ZFP3: variants seen among roughly 807,000 people sequenced by gnomAD.
ZFP3 encodes ZFP3 zinc finger protein.
Under a neutral mutation model 36.7 loss-of-function variants are expected in ZFP3, and 18 were observed. That is an observed-to-expected ratio of 0.49 (90% CI 0.34 to 0.73). ZFP3 has a LOEUF of 0.73. ZFP3 is among the 30% of genes least tolerant of loss of function. ZFP3 has a pLI of 0.01. For missense variants in ZFP3, 495 were observed against 599.0 expected (o/e 0.83, Z 1.81); for synonymous variants, 218 against 199.0 (o/e 1.10, Z -0.81).
In ZFP3 at chr17:5,092,650, AC is replaced by A; in HGVS notation, c.1147del (p.His383MetfsTer164). Reference sequence around the variant, plus strand: ...TCAGGGGGAACTCAGAACTTCTTAGACATGAGAGAATTCACACTGGAGAGAA... The same window carrying A: ...TCAGGGGGAACTCAGAACTTCTTAGAATGAGAGAATTCACACTGGAGAGAA... ...AFRGNSELLR[H>X]ERIHTGEKPY... On this transcript the variant is annotated frameshift_variant, in exon 2 of 2. Coordinates refer to ENST00000318833, the MANE Select transcript of ZFP3 (RefSeq NM_153018.3). LOFTEE classifies it high-confidence loss of function. This position sits in a 1 kb window ranked among gnomAD's most constrained non-coding sequence, Gnocchi z 5.0. 6.2e-7 allele frequency: 1 copy of A among 1,614,162 alleles called. No homozygotes were observed. The highest frequency in any genetic ancestry group is 2.2e-5 in the East Asian group (1 of 44,880).
chr17:5,092,600 G>C lies in ZFP3; in HGVS notation c.1096G>C (p.Val366Leu), dbSNP rs1413700647. 1.2e-6 allele frequency: 2 copies of C among 1,613,910 alleles called. No homozygotes were observed. The highest frequency in any genetic ancestry group is 2.7e-5 in the African/African-American group (2 of 74,864). ...IRIHTGEKPYVCKECGKAFRG... is the reference protein window; with the variant it reads ...IRIHTGEKPYLCKECGKAFRG... ...AATTCATACTGGTGAGAAGCCCTAT[G>C]TATGTAAGGAATGTGGGAAGGCCTT... The change falls in exon 2 of 2, where the codon GTA (valine) becomes CTA (leucine). Residue 366 changes from valine to leucine, a missense_variant. Transcript: ENST00000318833. This position sits in a 1 kb window ranked among gnomAD's most constrained non-coding sequence, Gnocchi z 5.0.
chr17:5,088,560 C>T (rs1399631531), intron 1 of ZFP3, among the ~76,000 whole-genome samples: 7 of 151,180 alleles, frequency 4.6e-5, no homozygotes, highest in Non-Finnish European at 7.4e-5. Flanking sequence ...GTGATCCTCC[C>T]GCCTTGGCCT....
intron 1 of ZFP3, among the ~76,000 whole-genome samples, chr17:5,081,929 C>T (rs575387807): frequency 4.8e-5 from 7 of 144,682 alleles, no homozygotes; most frequent in South Asian, 4.9e-4. Context: ...AGAAAGACAC[C>T]GGCCAGGCAT....
At position 5,092,727 on chromosome 17, in the gene ZFP3, T is replaced by G; in HGVS notation, c.1223T>G (p.Leu408Arg). The change falls in exon 2 of 2, where the codon CTT (leucine) becomes CGT (arginine). Residue 408 changes from leucine (L) to arginine (R), a missense_variant. Around this residue, in one of 3 missense-constraint regions of ZFP3, gnomAD observed 163 missense variants for 178.4 expected, o/e 0.91. Coordinates refer to ENST00000318833, the MANE Select transcript of ZFP3 (RefSeq NM_153018.3). This position sits in a 1 kb window ranked among gnomAD's most constrained non-coding sequence, Gnocchi z 5.0. ...AAGGCTTTCAGGCGGACCTCTCACC[T>G]TATTGTCCACCAGAGAATTCATACT... is the stretch of plus-strand genomic sequence containing the variant. Reference protein sequence around the residue: ...CGKAFRRTSHLIVHQRIHTGE... With the variant: ...CGKAFRRTSHRIVHQRIHTGE... 1 of 1,614,146 alleles carries G rather than the reference T, an allele frequency of 6.2e-7. No homozygotes were observed. The highest frequency in any genetic ancestry group is 8.5e-7 in the Non-Finnish European group (1 of 1,180,034).
chr17:5,094,665 C>A lies in ZFP3; in HGVS notation c.*1652C>A, dbSNP rs561152002. On this transcript the variant is annotated 3_prime_UTR_variant, in exon 2 of 2. Transcript: ENST00000318833. ...TTTAACTTTATATATCTTTATTATT[C>A]TTTAACCTCATCTTTGTTACACTAA... The A allele has an allele frequency of 1.2e-4, 20 of 167,162 alleles. No homozygotes were observed. Among genetic ancestry groups the A allele is most frequent in the African/African-American group, 4.6e-4 (19 of 41,550 alleles). The allele number at this position is 167,162 out of a possible 1,614,324, so 10.4% of individuals were successfully genotyped here. A position where few individuals can be genotyped will look rare whatever the true frequency, so the allele number is the denominator to read the frequency against.
At position 5,078,728 on chromosome 17, in the gene ZFP3, C is replaced by T. The variant is rs931540558; in HGVS notation, c.-9+153C>T. Reference sequence around the variant, plus strand: ...TATGCCTCCCTCCATTCCCCCCGCCCCCAGGCCTTCATTTCCACCTGCACA... The same window carrying T: ...TATGCCTCCCTCCATTCCCCCCGCCTCCAGGCCTTCATTTCCACCTGCACA... On this transcript the variant is annotated intron_variant, in intron 1 of 1. Coordinates refer to ENST00000318833, the MANE Select transcript of ZFP3 (RefSeq NM_153018.3). The surrounding 1 kb of genome is among the most constrained non-coding windows in gnomAD (Gnocchi z 4.5). Among the ~76,000 whole-genome samples, 1 of 152,234 alleles carries T rather than the reference C, an allele frequency of 6.6e-6. No homozygotes were observed. Among genetic ancestry groups the T allele is most frequent in the Admixed American group, 6.5e-5 (1 of 15,282 alleles).
Position 5,091,854 on chromosome 17 carries a change from C to T in ZFP3, c.350C>T (p.Thr117Ile). Residue 117 changes from threonine (T) to isoleucine (I), a missense_variant, in exon 2 of 2, where the codon ACC becomes ATC. By Grantham distance (89) the Thr-to-Ile change is moderately conservative. Transcript: ENST00000318833. ...DTTEGVSAFA[T>I]SGQNFLEILE... is the part of the protein sequence containing the mutation. ...ACAGAGGGAGTTAGTGCATTTGCTA[C>T]CTCTGGCCAAAACTTCCTAGAGATT... The T allele has an allele frequency of 6.2e-7, 1 of 1,614,220 alleles. No individual in the cohort carries two copies. Among genetic ancestry groups the T allele is most frequent in the Non-Finnish European group, 8.5e-7 (1 of 1,180,044 alleles).
In ZFP3 at chr17:5,095,075, T is replaced by C. The variant is rs982382808; in HGVS notation, c.*2062T>C. ...GCCTTATCTGAAACCCTTTGCACAG[T>C]TTCTATTACTGATTTCTATGTAGAT... On this transcript the variant is annotated 3_prime_UTR_variant, in exon 2 of 2. Coordinates refer to ENST00000318833, the MANE Select transcript of ZFP3 (RefSeq NM_153018.3). The C allele has an allele frequency of 1.8e-5, 3 of 167,136 alleles. No homozygotes were observed. Among genetic ancestry groups the C allele is most frequent in the Non-Finnish European group, 2.9e-5 (2 of 68,122 alleles). 10.4% of individuals were successfully genotyped at this position (167,136 alleles called of 1,614,324 possible).
At chr17:5,090,567 A>G (rs1597906676) in intron 1 of ZFP3, among the ~76,000 whole-genome samples, 1 of 152,182 alleles carries the variant, frequency 6.6e-6, no homozygotes, top group African/African-American at 2.4e-5. Context: ...CTCCTGCTCT[A>G]TAGAGCTGAT....
chr17:5,085,161 TC>T (rs1257522657), intron 1 of ZFP3, among the ~76,000 whole-genome samples: 1 of 151,986 alleles, frequency 6.6e-6, no homozygotes. Context: ...TGCCTCAGCC[TC>T]CCCAGTAACT....
Position 5,092,331 on chromosome 17 carries a change from C to A in ZFP3, c.827C>A (p.Thr276Asn). The A allele has an allele frequency of 3.1e-6, 5 of 1,614,080 alleles. No homozygotes were observed. The highest frequency in any genetic ancestry group is 4.2e-6 in the Non-Finnish European group (5 of 1,180,036). Residue 276 changes from threonine (T) to asparagine (N), a missense_variant, in exon 2 of 2, where the codon ACT (threonine) becomes AAT (asparagine). Physicochemically the swap from Thr to Asn is moderately conservative, Grantham distance 65 (BLOSUM62 0). Coordinates refer to ENST00000318833, the MANE Select transcript of ZFP3 (RefSeq NM_153018.3). This position sits in a 1 kb window ranked among gnomAD's most constrained non-coding sequence, Gnocchi z 5.0. ...SQLIQHQRIH[T>N]EERYHECNEC... ...CTTATTCAGCATCAGAGAATTCATA[C>A]TGAAGAAAGATACCATGAATGCAAT... is the stretch of plus-strand genomic sequence containing the variant.
rs1470707220 is a variant in ZFP3 at position 5,096,359 on chromosome 17, TTTAC to T, written c.*3348_*3351del. On this transcript the variant is annotated 3_prime_UTR_variant, in exon 2 of 2. Transcript: ENST00000318833. Reference sequence around the variant, plus strand: ...ACACCTTAGGTAAATAAAATATTTCTTTACTATTTTATTGATACAATGCCTTTGT... The same window carrying T: ...ACACCTTAGGTAAATAAAATATTTCTTATTTTATTGATACAATGCCTTTGT... 1 of 166,122 alleles carries T rather than the reference TTTAC, an allele frequency of 6.0e-6. No homozygotes were observed. The highest frequency in any genetic ancestry group is 1.5e-5 in the Non-Finnish European group (1 of 68,112). The allele number at this position is 166,122 out of a possible 1,614,324, so 10.3% of individuals were successfully genotyped here. A position where few individuals can be genotyped will look rare whatever the true frequency, so the allele number is the denominator to read the frequency against.
chr17:5,087,044 A>G (rs1007236897), intron 1 of ZFP3, among the ~76,000 whole-genome samples: 1 of 148,920 alleles, frequency 6.7e-6, no homozygotes, highest in African/African-American at 2.5e-5. Flanking sequence ...GACATTTTCT[A>G]ATTCTTATCC....
rs374141552 is a variant in ZFP3, at chr17:5,092,992, A to G, written c.1488A>G (p.Gln496=). The G allele has an allele frequency of 3.6e-5, 57 of 1,604,510 alleles. No individual in the cohort carries two copies. Among genetic ancestry groups the G allele is most frequent in the Middle Eastern group, 3.3e-4 (2 of 6,032 alleles). ...FSRSSHLLRH[Q]SVHCME ...GGAGCTCTCACCTCCTCCGACATCA[A>G]AGTGTTCACTGTATGGAGTAATCTG... is the stretch of plus-strand genomic sequence containing the variant. The change falls in exon 2 of 2, where the codon CAA becomes CAG. Residue 496 remains glutamine (Q), a synonymous_variant. Coordinates refer to ENST00000318833, the MANE Select transcript of ZFP3 (RefSeq NM_153018.3). This position sits in a 1 kb window ranked among gnomAD's most constrained non-coding sequence, Gnocchi z 5.0.
Position 5,078,599 on chromosome 17 carries a change from T to A in ZFP3, c.-9+24T>A, listed in dbSNP as rs1031989328. 2.0e-5 allele frequency: 3 copies of A among 152,484 alleles called. No individual in the cohort carries two copies. The highest frequency in any genetic ancestry group is 4.4e-5 in the Non-Finnish European group (3 of 68,306). The allele number at this position is 152,484 out of a possible 1,614,324, so 9.4% of individuals were successfully genotyped here. A position where few individuals can be genotyped will look rare whatever the true frequency, so the allele number is the denominator to read the frequency against. ...CGGTGAGACCTCATTCCGTCGCGGC[T>A]GTGGGGGTAGGCGGGGGCTGGGCTC... On this transcript the variant is annotated intron_variant, in intron 1 of 1. Coordinates refer to ENST00000318833, the MANE Select transcript of ZFP3 (RefSeq NM_153018.3). This position sits in a 1 kb window ranked among gnomAD's most constrained non-coding sequence, Gnocchi z 4.5.
intron 1 of ZFP3, among the ~76,000 whole-genome samples, chr17:5,082,227 A>G (rs1290244349): frequency 1.3e-5 from 2 of 151,750 alleles, no homozygotes; most frequent in African/African-American, 4.8e-5. Context: ...GGCGTGTGTA[A>G]TCCCAGCTAC....
At chr17:5,086,366 C>G (rs909665697) in intron 1 of ZFP3, among the ~76,000 whole-genome samples, 1 of 152,128 alleles carries the variant, frequency 6.6e-6, no homozygotes, top group Non-Finnish European at 1.5e-5. Context: ...AGTCCAAAGT[C>G]GCCCCCAAAT....
intron 1 of ZFP3, 66 bp from the exon 2 acceptor site, chr17:5,091,431 T>A: frequency 6.7e-7 from 1 of 1,483,494 alleles, no homozygotes; most frequent in Non-Finnish European, 9.1e-7. Context: ...AGCTCTGTTG[T>A]CCTCTAGTGT....
chr17:5,092,286 C>T lies in ZFP3; in HGVS notation c.782C>T (p.Thr261Ile). 1 of 1,614,022 alleles carries T rather than the reference C, an allele frequency of 6.2e-7. No homozygotes were observed. Among genetic ancestry groups the T allele is most frequent in the Non-Finnish European group, 8.5e-7 (1 of 1,180,016 alleles). ...TATGAATGTAATGAATGTGGGAAGA[C>T]CTTTAGGGTTAGTTCACAGCTTATT... Reference protein sequence around the residue: ...KPYECNECGKTFRVSSQLIQH... With the variant: ...KPYECNECGKIFRVSSQLIQH... The change falls in exon 2 of 2, where the codon ACC (threonine) becomes ATC (isoleucine). Residue 261 changes from threonine (T) to isoleucine (I), a missense_variant. Coordinates refer to ENST00000318833, the MANE Select transcript of ZFP3 (RefSeq NM_153018.3). The surrounding 1 kb of genome is among the most constrained non-coding windows in gnomAD (Gnocchi z 5.0).
Sources: gnomAD v4.1 joint callset for allele counts (sites outside exome capture counted in the v4.1 genomes callset) on GRCh38, gnomAD v4.1.1 for gene constraint, gnomAD v4.1.1 regional missense constraint, Gnocchi (gnomAD v3.1) non-coding constraint, MANE v1.5 for transcripts, NCBI Gene and HGNC (gene_info 2026-07-23, HGNC 2026-07-21) for gene names.